The following KPNA6 variants were observed in gnomAD, a reference collection of about 807,000 sequenced individuals.
KPNA6 encodes the protein importin subunit alpha-7.
A neutral mutation model predicts 72.0 loss-of-function variants in KPNA6; 9 were observed. That is an observed-to-expected ratio of 0.13 (90% CI 0.08 to 0.22). The LOEUF is 0.22. Ranked by LOEUF, KPNA6 falls within the 10% of genes least tolerant of loss-of-function variation. The pLI is 1.00. For missense variants in KPNA6, 374 were observed against 655.7 expected (o/e 0.57, Z 4.69); for synonymous variants, 219 against 242.1 (o/e 0.90, Z 0.89).
chr1:32,154,794 C>T, intron 2 of KPNA6, 73 bp downstream of exon 2: 2 of 1,487,918 alleles, frequency 1.3e-6, no homozygotes, highest in Non-Finnish European at 1.9e-6. Flanking sequence ...CCACCATGCA[C>T]CCTGACTTGC....
At chr1:32,164,956 G>T (rs113824612) in intron 10 of KPNA6, among the ~76,000 whole-genome samples, 5 of 152,014 alleles carry the variant, frequency 3.3e-5, no homozygotes, top group African/African-American at 1.2e-4. Context: ...AGAGTGCAAT[G>T]ATGCCATCTC....
intron 11 of KPNA6, among the ~76,000 whole-genome samples, chr1:32,166,502 G>A (rs888356534): frequency 1.4e-4 from 22 of 151,814 alleles, no homozygotes; most frequent in African/African-American, 5.3e-4. Context: ...GCGGACGCCT[G>A]TAATCTCAGC....
At chr1:32,138,916 G>A (rs1641789318) in intron 1 of KPNA6, among the ~76,000 whole-genome samples, 3 of 152,246 alleles carry the variant, frequency 2.0e-5, no homozygotes, top group South Asian at 4.1e-4. Context: ...GATGGTTTTA[G>A]TTTAATTTTC....
At position 32,167,869 on chromosome 1, in the gene KPNA6, C is replaced by A. The variant is rs369888851; in HGVS notation, c.1244+573C>A. ...AGTCTGTCACAAAAAAAAAAAAAAACAAAAAAAAACAAGCAAGCTGGTGTA... is the reference window on the plus strand; with the variant it reads ...AGTCTGTCACAAAAAAAAAAAAAAAAAAAAAAAAACAAGCAAGCTGGTGTA... On this transcript the variant is annotated intron_variant, in intron 12 of 13. Transcript: ENST00000373625. Among the ~76,000 whole-genome samples the A allele has an allele frequency of 9.5e-3, 1,332 of 140,714 alleles. 11 individuals are homozygous for A. Among genetic ancestry groups the A allele is most frequent in the Middle Eastern group, 0.026 (7 of 268 alleles). 92.3% of individuals were successfully genotyped at this position (140,714 alleles called of 152,430 possible). A position where few individuals can be genotyped will look rare whatever the true frequency, so the allele number is the denominator to read the frequency against.
chr1:32,150,324 G>A (rs1642007138), intron 1 of KPNA6, among the ~76,000 whole-genome samples: 1 of 151,750 alleles, frequency 6.6e-6, no homozygotes, highest in African/African-American at 2.4e-5. Flanking sequence ...GTAGAGACAG[G>A]CTTTCACCAT....
At chr1:32,164,116 T>C (rs559552203) in intron 10 of KPNA6, among the ~76,000 whole-genome samples, 1 of 152,330 alleles carries the variant, frequency 6.6e-6, no homozygotes, top group African/African-American at 2.4e-5. Flanking sequence ...ATCTGTGAGT[T>C]TGAGTGCTCT....
intron 8 of KPNA6, 114 bp downstream of exon 8, chr1:32,162,160 T>C (rs1291211127): frequency 1.0e-6 from 1 of 970,862 alleles, no homozygotes; most frequent in Non-Finnish European, 1.6e-6. Flanking sequence ...AAGAAGCAAT[T>C]GTTAGTGAAG....
intron 9 of KPNA6, 61 bp downstream of exon 9, chr1:32,162,585 C>G: frequency 1.3e-6 from 2 of 1,587,970 alleles, no homozygotes; most frequent in Middle Eastern, 2.2e-4. Flanking sequence ...GCTTATAATC[C>G]CAGCACTTTG....
At chr1:32,136,865 G>A (rs1288202208) in intron 1 of KPNA6, among the ~76,000 whole-genome samples, 1 of 152,132 alleles carries the variant, frequency 6.6e-6, no homozygotes, top group Non-Finnish European at 1.5e-5. Flanking sequence ...CAGCGTTTCT[G>A]GTTTTCAAAT....
At position 32,170,941 on chromosome 1, in the gene KPNA6, C is replaced by A. The variant is rs369308305; in HGVS notation, c.*47C>A. 99 of 1,559,290 alleles carry A rather than the reference C, an allele frequency of 6.3e-5. No homozygotes were observed. The highest frequency in any genetic ancestry group is 8.2e-5 in the Non-Finnish European group (93 of 1,132,786). On this transcript the variant is annotated 3_prime_UTR_variant, in exon 14 of 14. Coordinates refer to ENST00000373625, the MANE Select transcript of KPNA6 (RefSeq NM_012316.5). ...GGGGATGGGAAGCACCACCAGCCAG[C>A]GGAAGAGCAGCCCTCTGGTGGGCGG...
intron 9 of KPNA6, among the ~76,000 whole-genome samples, chr1:32,162,771 G>C (rs1482005850): frequency 6.6e-6 from 1 of 150,600 alleles, no homozygotes; most frequent in Non-Finnish European, 1.5e-5. Context: ...GGAGGCAGAG[G>C]TTGCAGTGAG....
intron 1 of KPNA6, among the ~76,000 whole-genome samples, chr1:32,153,687 G>A (rs1030848298): frequency 2.0e-5 from 3 of 152,144 alleles, no homozygotes; most frequent in African/African-American, 7.2e-5. Flanking sequence ...TTAGTAATCT[G>A]GGATATGCAA....
At chr1:32,167,642 G>A (rs778464438) in intron 12 of KPNA6, among the ~76,000 whole-genome samples, 9 of 152,028 alleles carry the variant, frequency 5.9e-5, no homozygotes, top group Non-Finnish European at 1.2e-4. Flanking sequence ...AAGGGGAACC[G>A]TACTATGGGT....
rs1208690307 is a variant in KPNA6, at chr1:32,175,917, G to C, written c.*5023G>C. The C allele has an allele frequency of 6.6e-6, 1 of 151,486 alleles. No homozygotes were observed. The highest frequency in any genetic ancestry group is 1.5e-5 in the Non-Finnish European group (1 of 67,978). 9.4% of individuals were successfully genotyped at this position (151,486 alleles called of 1,614,324 possible). A position where few individuals can be genotyped will look rare whatever the true frequency, so the allele number is the denominator to read the frequency against. On this transcript the variant is annotated 3_prime_UTR_variant, in exon 14 of 14. Coordinates refer to ENST00000373625, the MANE Select transcript of KPNA6 (RefSeq NM_012316.5). Reference sequence around the variant, plus strand: ...GTTCAAAACCAGCCTGACCAACATAGTAAAACCCCGTCCCTACAAAAATAA... The same window carrying C: ...GTTCAAAACCAGCCTGACCAACATACTAAAACCCCGTCCCTACAAAAATAA...
intron 12 of KPNA6, 98 bp from the exon 13 acceptor site, chr1:32,169,784 T>C (rs1221604293): frequency 1.8e-5 from 20 of 1,106,710 alleles, no homozygotes; most frequent in Non-Finnish European, 2.6e-5. Context: ...AATAAAAAAA[T>C]AAATTAGTAA....
At chr1:32,116,798 C>T (rs1174540956) in intron 1 of KPNA6, among the ~76,000 whole-genome samples, 2 of 152,152 alleles carry the variant, frequency 1.3e-5, no homozygotes, top group South Asian at 2.1e-4. Flanking sequence ...CATGCAACTG[C>T]CCCTTTCACT....
intron 1 of KPNA6, among the ~76,000 whole-genome samples, chr1:32,150,434 A>G (rs570751692): frequency 2.6e-5 from 4 of 151,284 alleles, no homozygotes; most frequent in South Asian, 4.2e-4. Flanking sequence ...TGCCCTGCCA[A>G]TTTTTAGTCT....
chr1:32,159,289 G>A (rs1007426607), intron 5 of KPNA6, 111 bp from the exon 6 acceptor site: 6 of 1,142,298 alleles, frequency 5.3e-6, no homozygotes, highest in Admixed American at 2.3e-5. Flanking sequence ...GTGAGGTTTT[G>A]TTTTGGTTTT....
rs1642433563 is a variant in KPNA6 at position 32,171,338 on chromosome 1, T to A, written c.*444T>A. The A allele has an allele frequency of 6.4e-6, 1 of 155,914 alleles. No homozygotes were observed. Among genetic ancestry groups the A allele is most frequent in the Admixed American group, 6.3e-5 (1 of 15,830 alleles). 9.7% of individuals were successfully genotyped at this position (155,914 alleles called of 1,614,324 possible). A position where few individuals can be genotyped will look rare whatever the true frequency, so the allele number is the denominator to read the frequency against. On this transcript the variant is annotated 3_prime_UTR_variant, in exon 14 of 14. Transcript: ENST00000373625. ...CTGTGTAACTCTTATCTTGGGTACTTGAGCAGACGGTATATTCCAGAGGTG... is the reference window on the plus strand; with the variant it reads ...CTGTGTAACTCTTATCTTGGGTACTAGAGCAGACGGTATATTCCAGAGGTG...
Sources: gnomAD v4.1 joint callset for allele counts (sites outside exome capture counted in the v4.1 genomes callset) on GRCh38, gnomAD v4.1.1 for gene constraint, MANE v1.5 for transcripts, NCBI Gene and HGNC (gene_info 2026-07-23, HGNC 2026-07-21) for gene names.